MAP7D2: variants seen among roughly 807,000 people sequenced by gnomAD.
MAP7D2 encodes the protein MAP7 domain-containing protein 2.
In MAP7D2, 33 loss-of-function variants were observed where a neutral mutation model predicts 63.5. The observed-to-expected ratio is 0.52, with a 90% CI of 0.39 to 0.70. The LOEUF (loss-of-function observed/expected upper bound fraction) is 0.70. Among genes scored for constraint, MAP7D2 ranks in the 30% least tolerant of loss-of-function variants. The probability of loss-of-function intolerance (pLI) is 0.00; values close to 1 mark genes in which losing one functional copy is unlikely to be tolerated. For synonymous variants in MAP7D2, 224 were observed against 223.7 expected (o/e 1.00, Z -0.01); for missense variants, 626 against 604.0 (o/e 1.04, Z -0.38).
At chrX:20,031,541 C>T (rs948744442) in intron 8 of MAP7D2, among the ~76,000 whole-genome samples, 1 of 110,072 alleles carries the variant, frequency 9.1e-6, no homozygotes, top group Non-Finnish European at 1.9e-5. Context: ...GCGAGGCAGG[C>T]AGATCACTTG....
At chrX:20,020,808 C>G (rs4077051) in intron 10 of MAP7D2, among the ~76,000 whole-genome samples, 39,983 of 111,069 alleles carry the variant, frequency 0.36, 7,895 homozygotes, top group African/African-American at 0.77. Context: ...CTTTAGCCTG[C>G]CTACGTGACC....
chrX:20,099,346 G>T (rs1306860882), intron 1 of MAP7D2, among the ~76,000 whole-genome samples: 1 of 110,499 alleles, frequency 9.0e-6, no homozygotes, highest in Admixed American at 9.7e-5. Context: ...ATGAAGCCTA[G>T]AAACCTTACA....
intron 1 of MAP7D2, among the ~76,000 whole-genome samples, chrX:20,094,510 ATATATG>A (rs1372398856): frequency 0.012 from 106 of 9,014 alleles, 4 homozygotes; most frequent in African/African-American, 0.1. Context: ...ATATATATAT[ATATATG>A]TATATATATA....
rs754545877 is a variant in MAP7D2, at chrX:20,042,589, A to G, written c.920T>C (p.Leu307Pro). 6.6e-6 allele frequency: 8 copies of G among 1,210,091 alleles called. No homozygotes were observed. In the East Asian group the frequency reaches 2.4e-4, roughly 36 times the overall value. Residue 307 changes from leucine (L) to proline (P), a missense_variant, in exon 8 of 17, where the codon CTT (leucine) becomes CCT (proline). Physicochemically the swap from Leu to Pro is moderately conservative, Grantham distance 98. Transcript: ENST00000379643. ...AGGGGACCCGAAGTTCACAACAGGA[A>G]GAGAAGTTGCTGTTCGTTGCCCCCG... is the stretch of plus-strand genomic sequence containing the variant. Reference protein sequence around the residue: ...VKRGQRTATSLPVVNFGSPLR... With the variant: ...VKRGQRTATSPPVVNFGSPLR...
chrX:20,095,288 C>T (rs905515091), intron 1 of MAP7D2, among the ~76,000 whole-genome samples: 2 of 111,682 alleles, frequency 1.8e-5, no homozygotes, highest in South Asian at 3.7e-4. Context: ...TCTGTAATCA[C>T]GGCACTTTGG....
chrX:20,106,262 C>T (rs955664862), intron 1 of MAP7D2, among the ~76,000 whole-genome samples: 1 of 112,051 alleles, frequency 8.9e-6, no homozygotes, highest in Non-Finnish European at 1.9e-5. Flanking sequence ...GTCCCCAAGA[C>T]AATAATCTGT....
At chrX:20,063,701 G>C in intron 2 of MAP7D2, 124 bp from the exon 3 acceptor site, 1 of 742,820 alleles carries the variant, frequency 1.3e-6, no homozygotes. Flanking sequence ...CTAGCATGCA[G>C]TGATTGAGAT....
At chrX:20,065,328 G>A (rs2065328212) in intron 1 of MAP7D2, among the ~76,000 whole-genome samples, 1 of 104,211 alleles carries the variant, frequency 9.6e-6, no homozygotes, top group South Asian at 4.6e-4. Flanking sequence ...ATGCGGTGGC[G>A]CGACCTTGGC....
In MAP7D2 at chrX:20,025,852, T is replaced by C; in HGVS notation, c.1108A>G (p.Met370Val). 8.3e-7 allele frequency: 1 copy of C among 1,211,981 alleles called. No individual in the cohort carries two copies. Among genetic ancestry groups the C allele is most frequent in the African/African-American group, 1.7e-5 (1 of 57,863 alleles). ...YRLPALSGQDMPKRKAEKEKS... is the reference protein window; with the variant it reads ...YRLPALSGQDVPKRKAEKEKS... The stretch of plus-strand genomic sequence containing the variant: ...TCTTTCTCCGCTTTCCTCTTGGGCA[T>C]GTCTTGGCCAGAAAGGGCAGGTAAG... The change falls in exon 9 of 17, where the codon ATG becomes GTG. Residue 370 changes from methionine to valine, a missense_variant. Transcript: ENST00000379643.
At position 20,116,856 on chromosome X, in the gene MAP7D2, G is replaced by T; in HGVS notation, c.24C>A (p.Ser8=). Residue 8 remains serine, a synonymous_variant, in exon 1 of 17, where the codon TCC becomes TCA. Transcript: ENST00000379643. ...TCCCCTCAGGCCGGGATCCCGTCCCGGAGCCGCCGCCGCCGCGCTCCATCG... is the reference window on the plus strand; with the variant it reads ...TCCCCTCAGGCCGGGATCCCGTCCCTGAGCCGCCGCCGCCGCGCTCCATCG... MERGGGG[S]GTGSRPEGTA... is the part of the protein sequence containing the mutation. The T allele has an allele frequency of 1.7e-6, 2 of 1,152,265 alleles. No homozygotes were observed. The highest frequency in any genetic ancestry group is 2.3e-6 in the Non-Finnish European group (2 of 867,949). 95.0% of individuals were successfully genotyped at this position (1,152,265 alleles called of 1,213,427 possible). A position where few individuals can be genotyped will look rare whatever the true frequency, so the allele number is the denominator to read the frequency against.
chrX:20,068,767 C>T (rs1377564201), intron 1 of MAP7D2, among the ~76,000 whole-genome samples: 3 of 111,980 alleles, frequency 2.7e-5, no homozygotes, highest in Non-Finnish European at 5.6e-5. Context: ...TGTGTCCCCA[C>T]CCAAATCTCA....
At chrX:20,112,885 T>C (rs760257891) in intron 1 of MAP7D2, among the ~76,000 whole-genome samples, 1 of 111,980 alleles carries the variant, frequency 8.9e-6, no homozygotes, top group East Asian at 2.8e-4. Context: ...TGTGAATCCT[T>C]CTGTTTTGTA....
At chrX:20,074,504 T>TC (rs1354896341) in intron 1 of MAP7D2, among the ~76,000 whole-genome samples, 1 of 111,667 alleles carries the variant, frequency 9.0e-6, no homozygotes, top group African/African-American at 3.3e-5. Flanking sequence ...CATCACATAC[T>TC]CCCGCCTCAT....
chrX:20,064,606 C>G, intron 2 of MAP7D2, 122 bp downstream of exon 2: 1 of 551,746 alleles, frequency 1.8e-6, no homozygotes, highest in Non-Finnish European at 3.1e-6. Flanking sequence ...ACGCCTGATT[C>G]TTCATGTTCA....
chrX:20,094,141 G>A (rs1359770953), intron 1 of MAP7D2, among the ~76,000 whole-genome samples: 2 of 110,158 alleles, frequency 1.8e-5, no homozygotes, highest in Admixed American at 9.8e-5. Context: ...TAAACAACTT[G>A]CTTTATGTTT....
chrX:20,058,550 C>A (rs2065122634), intron 3 of MAP7D2, among the ~76,000 whole-genome samples: 1 of 111,720 alleles, frequency 9.0e-6, no homozygotes, highest in Admixed American at 9.5e-5. Flanking sequence ...TGAGTGCTCA[C>A]TGAAAGCCAG....
intron 8 of MAP7D2, among the ~76,000 whole-genome samples, chrX:20,038,217 T>C (rs1342008593): frequency 8.9e-6 from 1 of 112,065 alleles, no homozygotes; most frequent in African/African-American, 3.2e-5. Flanking sequence ...GGATATAGGT[T>C]TGTCTATCCT....
intron 3 of MAP7D2, among the ~76,000 whole-genome samples, chrX:20,060,025 T>G (rs918080241): frequency 4.3e-4 from 45 of 105,106 alleles, no homozygotes; most frequent in Non-Finnish European, 9.8e-5. Flanking sequence ...TATGTGTTCT[T>G]TTTTTTTTTT....
chrX:20,018,309 A>G (rs1428426782), intron 10 of MAP7D2, among the ~76,000 whole-genome samples: 1 of 109,955 alleles, frequency 9.1e-6, no homozygotes, highest in Non-Finnish European at 1.9e-5. Flanking sequence ...AAGTGCCCAG[A>G]TGCACACATG....
Sources: allele counts gnomAD v4.1 joint callset (sites outside exome capture counted in the v4.1 genomes callset), GRCh38; gene constraint gnomAD v4.1.1; transcripts MANE v1.5; gene names NCBI Gene and HGNC (gene_info 2026-07-23, HGNC 2026-07-21).